Variants in GRAMD2A observed in about 807,000 individuals in gnomAD.
GRAMD2A encodes the protein GRAM domain-containing protein 2A.
Under a neutral mutation model 51.1 loss-of-function variants are expected in GRAMD2A, and 37 were observed. The observed-to-expected ratio is 0.72, with a 90% CI of 0.56 to 0.95. GRAMD2A has a LOEUF of 0.95. GRAMD2A is among the 40% of genes least tolerant of loss of function. The pLI is 0.00. For synonymous variants in GRAMD2A, 136 were observed against 157.1 expected, an observed-to-expected ratio of 0.87 and a Z score of 1.01; for missense variants, 414 against 426.9, an observed-to-expected ratio of 0.97 and a Z score of 0.27.
At position 72,162,336 on chromosome 15, in the gene GRAMD2A, C is replaced by T. The variant is rs748295237; in HGVS notation, c.998G>A (p.Arg333His). The T allele has an allele frequency of 1.3e-5, 21 of 1,613,944 alleles. No homozygotes were observed. Among genetic ancestry groups the T allele is most frequent in the African/African-American group, 2.7e-5 (2 of 74,924 alleles). The stretch of plus-strand genomic sequence containing the variant: ...TAACTGCTGCTCTAGCCGAGAAATA[C>T]GGAACGCCAGGTAGGATGAGGACAT... ...LVMSSSYLAF[R>H]ISRLEQQLCS... The change falls in exon 11 of 12, where the codon CGT becomes CAT. Residue 333 changes from arginine to histidine, a missense_variant. Physicochemically the swap from Arg to His is conservative, Grantham distance 29 (BLOSUM62 0). Transcript: ENST00000309731.
rs140032542 is a variant in GRAMD2A at position 72,183,947 on chromosome 15, G to C, written c.41+13784C>G. Among the ~76,000 whole-genome samples, 662 of 152,344 alleles carry C rather than the reference G, an allele frequency of 4.3e-3. 6 individuals are homozygous for C. The highest frequency in any genetic ancestry group is 0.015 in the African/African-American group (635 of 41,570). On this transcript the variant is annotated intron_variant, in intron 1 of 11. Transcript: ENST00000309731. Reference sequence around the variant, plus strand: ...GGATGGATGGTGAGGACAGGTCTCTGTCCACCAGCAAGGATGCTGCTGAGC... The same window carrying C: ...GGATGGATGGTGAGGACAGGTCTCTCTCCACCAGCAAGGATGCTGCTGAGC...
chr15:72,195,334 G>A (rs887851234), intron 1 of GRAMD2A, among the ~76,000 whole-genome samples: 1 of 152,204 alleles, frequency 6.6e-6, no homozygotes, highest in African/African-American at 2.4e-5. Flanking sequence ...ACAGCCTGAG[G>A]CTTAGAACTC....
At chr15:72,190,771 A>G (rs1220512072) in intron 1 of GRAMD2A, among the ~76,000 whole-genome samples, 1 of 152,232 alleles carries the variant, frequency 6.6e-6, no homozygotes, top group African/African-American at 2.4e-5. Flanking sequence ...GTTTCTGGGA[A>G]GAGAGCATTT....
intron 1 of GRAMD2A, among the ~76,000 whole-genome samples, chr15:72,183,460 A>C (rs1453970680): frequency 1.3e-5 from 2 of 152,036 alleles, no homozygotes; most frequent in African/African-American, 4.8e-5. Flanking sequence ...GCTTGCAGTG[A>C]GCTGAGATCG....
chr15:72,163,934 CCT>C (rs1328676142), intron 8 of GRAMD2A, 177 bp from the exon 9 acceptor site: 2 of 589,200 alleles, frequency 3.4e-6, no homozygotes, highest in Non-Finnish European at 5.8e-6. Flanking sequence ...ATATGCCTCT[CCT>C]CTCTGCTCCC....
chr15:72,178,849 C>T (rs1369276900), intron 1 of GRAMD2A, among the ~76,000 whole-genome samples: 1 of 152,102 alleles, frequency 6.6e-6, no homozygotes, highest in Non-Finnish European at 1.5e-5. Flanking sequence ...GCTGGGATTA[C>T]AGTTGTGAGC....
intron 5 of GRAMD2A, 120 bp from the exon 6 acceptor site, chr15:72,167,212 G>A: frequency 1.3e-6 from 1 of 745,180 alleles, no homozygotes; most frequent in Non-Finnish European, 2.4e-6. Context: ...CTGGCCCCAT[G>A]TGGGGAAGTC....
intron 4 of GRAMD2A, 44 bp from the exon 5 acceptor site, chr15:72,167,883 C>T (rs746362602): frequency 3.6e-6 from 5 of 1,370,020 alleles, no homozygotes; most frequent in Non-Finnish European, 3.1e-6. Context: ...CAAGGTCAGC[C>T]CAGGAAGCCC....
Position 72,176,854 on chromosome 15 carries a change from C to CTTTTTTT in GRAMD2A, c.42-6922_42-6916dup, listed in dbSNP as rs60618044. 2.8e-5 allele frequency among the ~76,000 whole-genome samples: 2 copies of CTTTTTTT among 72,174 alleles called. 1 individual carries two copies. The allele number at this position is 72,174 out of a possible 152,430, so 47.3% of individuals were successfully genotyped here. On this transcript the variant is annotated intron_variant, in intron 1 of 11. Transcript: ENST00000309731. ...GTGCACATTAGAATCACCTGCAGTG[C>CTTTTTTT]TTTTTTTTTTTTTTTTTTTTTTTTT...
chr15:72,166,791 C>A lies in GRAMD2A; in HGVS notation c.472-88G>T. 2 of 1,177,588 alleles carry A rather than the reference C, an allele frequency of 1.7e-6. No individual in the cohort carries two copies. The highest frequency in any genetic ancestry group is 2.5e-6 in the Non-Finnish European group (2 of 792,878). 72.9% of individuals were successfully genotyped at this position (1,177,588 alleles called of 1,614,324 possible). On this transcript the variant is annotated intron_variant, in intron 6 of 11. Coordinates refer to ENST00000309731, the MANE Select transcript of GRAMD2A (RefSeq NM_001012642.3). The surrounding 1 kb of genome is among the most constrained non-coding windows in gnomAD (Gnocchi z 4.1). ...AGCCCCCTTGTGGATTGGGCACAGG[C>A]CCACAGGGGTATCAGGCCATGAGAG...
chr15:72,191,493 G>A (rs375898975), intron 1 of GRAMD2A, among the ~76,000 whole-genome samples: 6 of 152,040 alleles, frequency 3.9e-5, no homozygotes, highest in South Asian at 2.1e-4. Flanking sequence ...AGGACCCACC[G>A]TGCCCAGCTG....
rs746480066 is a variant in GRAMD2A at position 72,168,996 on chromosome 15, A to C, written c.135T>G (p.Ser45Arg). 3 of 1,614,012 alleles carry C rather than the reference A, an allele frequency of 1.9e-6. No homozygotes were observed. The East Asian group carries it at 6.7e-5, about 36-fold the overall frequency. The change falls in exon 3 of 12, where the codon AGT (serine) becomes AGG (arginine). Residue 45 changes from serine to arginine, a missense_variant and splice_region_variant. Ser to Arg is a moderately radical substitution (Grantham distance 110). Coordinates refer to ENST00000309731, the MANE Select transcript of GRAMD2A (RefSeq NM_001012642.3). Reference sequence around the variant, plus strand: ...CCTTCAAGCCTTCTGGCCAGTGCAGACTGCAAAGGAGACATTCCATTTCGG... The same window carrying C: ...CCTTCAAGCCTTCTGGCCAGTGCAGCCTGCAAAGGAGACATTCCATTTCGG... ...PDRVEEPPDYSLHWPEGLKGE... is the reference protein window; with the variant it reads ...PDRVEEPPDYRLHWPEGLKGE...
intron 2 of GRAMD2A, chr15:72,169,467 G>C (rs2081585562): frequency 1.9e-6 from 1 of 521,772 alleles, no homozygotes. Context: ...TGCCCTCCCT[G>C]CCGCCTCCTT....
chr15:72,168,066 C>T (rs1267050348), intron 4 of GRAMD2A, among the ~76,000 whole-genome samples: 1 of 152,188 alleles, frequency 6.6e-6, no homozygotes, highest in Non-Finnish European at 1.5e-5. Context: ...ATGTTTCTTC[C>T]TTCTCCACCC....
At chr15:72,186,342 T>G (rs77789036) in intron 1 of GRAMD2A, among the ~76,000 whole-genome samples, 1 of 151,592 alleles carries the variant, frequency 6.6e-6, no homozygotes. Context: ...TTTTTTTTTT[T>G]GAGACAGAGT....
chr15:72,187,660 G>A (rs546484859), intron 1 of GRAMD2A, among the ~76,000 whole-genome samples: 2 of 152,166 alleles, frequency 1.3e-5, no homozygotes, highest in South Asian at 2.1e-4. Context: ...CTGCAGGCAT[G>A]TGCCATCAAG....
At chr15:72,182,362 C>T (rs1416453595) in intron 1 of GRAMD2A, among the ~76,000 whole-genome samples, 1 of 47,560 alleles carries the variant, frequency 2.1e-5, no homozygotes, top group African/African-American at 8.6e-5. Context: ...GAGACTGTCT[C>T]AAAAAAAAAA....
chr15:72,191,639 C>T (rs1350885326), intron 1 of GRAMD2A, among the ~76,000 whole-genome samples: 3 of 152,146 alleles, frequency 2.0e-5, no homozygotes, highest in Admixed American at 6.5e-5. Flanking sequence ...TAACATTCTT[C>T]AAAGAGAAAT....
At chr15:72,177,474 T>C (rs2081662565) in intron 1 of GRAMD2A, among the ~76,000 whole-genome samples, 1 of 152,244 alleles carries the variant, frequency 6.6e-6, no homozygotes, top group Non-Finnish European at 1.5e-5. Flanking sequence ...CTTTTGGGAC[T>C]TTAAATGAAC....
Sources: gnomAD v4.1 joint callset for allele counts (sites outside exome capture counted in the v4.1 genomes callset) on GRCh38, gnomAD v4.1.1 for gene constraint, Gnocchi (gnomAD v3.1) non-coding constraint, MANE v1.5 for transcripts, NCBI Gene and HGNC (gene_info 2026-07-23, HGNC 2026-07-21) for gene names.